GRAMD2B: variants seen among roughly 807,000 people sequenced by gnomAD.
The protein encoded by GRAMD2B is GRAM domain containing 2B.
In GRAMD2B, 41 loss-of-function variants were observed where a neutral mutation model predicts 59.2. That is an observed-to-expected ratio of 0.69 (90% CI 0.54 to 0.90). GRAMD2B has a LOEUF of 0.90. Among genes scored for constraint, GRAMD2B ranks in the 40% least tolerant of loss-of-function variants. The probability of loss-of-function intolerance (pLI) is 0.00; values close to 1 mark genes in which losing one functional copy is unlikely to be tolerated. For synonymous variants in GRAMD2B, 161 were observed against 182.7 expected (o/e 0.88, Z 0.96); for missense variants, 424 against 500.5 (o/e 0.85, Z 1.46).
chr5:126,443,683 A>G lies in GRAMD2B; in HGVS notation c.83+19994A>G, dbSNP rs535743197. ...TAAAACTGGCTTTCTCTCAGCTGTG[A>G]TGGAAAGACTCCATCAGTGACTTCA... On this transcript the variant is annotated intron_variant, in intron 1 of 13. Transcript: ENST00000285689. Among the ~76,000 whole-genome samples, 9 of 152,310 alleles carry G rather than the reference A, an allele frequency of 5.9e-5. No individual in the cohort carries two copies. The East Asian group carries it at 1.7e-3, about 29-fold the overall frequency.
chr5:126,413,730 G>T (rs1018474639), intron 1 of GRAMD2B, among the ~76,000 whole-genome samples: 48 of 152,174 alleles, frequency 3.2e-4, no homozygotes, highest in African/African-American at 1.1e-3. Flanking sequence ...GTGACTGTCT[G>T]TGTCTTTTTG....
At chr5:126,488,652 G>T in intron 12 of GRAMD2B, 147 bp from the exon 13 acceptor site, 2 of 535,516 alleles carry the variant, frequency 3.7e-6, no homozygotes, top group Non-Finnish European at 6.7e-6. Flanking sequence ...GCGGATTACT[G>T]CAGGGCTTTG....
At chr5:126,360,278 A>G in exon 1 of GRAMD2B, 1 of 1,545,826 alleles carries the variant, frequency 6.5e-7, no homozygotes, top group Non-Finnish European at 8.7e-7. Flanking sequence ...GTAAATACAA[A>G]GTTCCTTCCC....
Position 126,469,670 on chromosome 5 carries a change from T to C in GRAMD2B, c.204-7T>C. The C allele has an allele frequency of 6.3e-7, 1 of 1,596,792 alleles. No individual in the cohort carries two copies. The highest frequency in any genetic ancestry group is 8.6e-7 in the Non-Finnish European group (1 of 1,165,978). ...TCTTATAGACACCCTGGACTTTCTT[T>C]CTTTAGGTCAAAATCCAGTTTTGAT... On this transcript the variant is annotated splice_polypyrimidine_tract_variant and splice_region_variant and intron_variant, in intron 2 of 13. Transcript: ENST00000285689.
chr5:126,381,089 G>C (rs1291866267), intron 1 of GRAMD2B, among the ~76,000 whole-genome samples: 4 of 152,004 alleles, frequency 2.6e-5, no homozygotes, highest in African/African-American at 9.7e-5. Flanking sequence ...TGCTAATTTT[G>C]CTGAGGGTTT....
At chr5:126,400,854 TTTCTC>T (rs1187716787) in intron 1 of GRAMD2B, among the ~76,000 whole-genome samples, 1 of 152,114 alleles carries the variant, frequency 6.6e-6, no homozygotes, top group Non-Finnish European at 1.5e-5. Context: ...ACAGGTAACT[TTTCTC>T]TTGCTGTTTT....
intron 1 of GRAMD2B, among the ~76,000 whole-genome samples, chr5:126,436,783 G>T (rs1369663580): frequency 2.0e-5 from 3 of 152,190 alleles, no homozygotes; most frequent in Non-Finnish European, 4.4e-5. Context: ...AACTAGCCCA[G>T]CATGGGGATT....
At chr5:126,467,012 A>G (rs13156050) in intron 2 of GRAMD2B, among the ~76,000 whole-genome samples, 124,111 of 152,194 alleles carry the variant, frequency 0.82, 51,005 homozygotes, top group East Asian at 0.98. Flanking sequence ...TAAGGGGGCC[A>G]GGCACGGTGG....
intron 1 of GRAMD2B, among the ~76,000 whole-genome samples, chr5:126,461,769 C>T (rs1767414891): frequency 6.6e-6 from 1 of 152,150 alleles, no homozygotes; most frequent in Admixed American, 6.5e-5. Flanking sequence ...CATTGCACTC[C>T]AGCCTGGGTG....
upstream of GRAMD2B, chr5:126,423,239 T>C: frequency 9.2e-7 from 1 of 1,083,698 alleles, no homozygotes; most frequent in Non-Finnish European, 1.1e-6. Flanking sequence ...AGATTGTGCC[T>C]TCTTAGGCAA....
chr5:126,414,081 C>T (rs574597007), intron 1 of GRAMD2B, among the ~76,000 whole-genome samples: 37 of 152,198 alleles, frequency 2.4e-4, no homozygotes, highest in African/African-American at 7.7e-4. Flanking sequence ...AAAATACCAT[C>T]GACAATCCCT....
intron 1 of GRAMD2B, among the ~76,000 whole-genome samples, chr5:126,365,892 T>A (rs935883300): frequency 2.0e-5 from 3 of 152,300 alleles, no homozygotes; most frequent in South Asian, 2.1e-4. Flanking sequence ...TAAACTAGAA[T>A]AGGAACTTGG....
Position 126,475,350 on chromosome 5 carries a change from A to T in GRAMD2B, c.486+1982A>T, listed in dbSNP as rs191839975. 2.6e-5 allele frequency among the ~76,000 whole-genome samples: 4 copies of T among 152,330 alleles called. No homozygotes were observed. In the East Asian group the frequency reaches 7.7e-4, roughly 29 times the overall value. ...TTAAGGGTGTTCCATGCCTTAGATT[A>T]TGAAAAATCTAAATTTCTAGCCCTT... On this transcript the variant is annotated intron_variant, in intron 5 of 13. Transcript: ENST00000285689.
intron 1 of GRAMD2B, 34 bp downstream of exon 1, chr5:126,423,723 G>A (rs1181967433): frequency 1.3e-6 from 2 of 1,573,460 alleles, no homozygotes; most frequent in South Asian, 2.3e-5. Flanking sequence ...ATCCAAGGAG[G>A]TGGGAGGAGC....
intron 1 of GRAMD2B, among the ~76,000 whole-genome samples, chr5:126,424,068 T>C (rs538431902): frequency 4.7e-4 from 72 of 152,338 alleles, no homozygotes; most frequent in African/African-American, 1.7e-3. Flanking sequence ...ATCTACTTGT[T>C]CAATAACGAT....
chr5:126,362,432 CATT>C (rs1259538401), intron 1 of GRAMD2B, among the ~76,000 whole-genome samples: 1 of 152,128 alleles, frequency 6.6e-6, no homozygotes. Flanking sequence ...TGACAATCAT[CATT>C]ATTAGTGTTC....
Position 126,491,690 on chromosome 5 carries a change from G to C in GRAMD2B, c.1258-1225G>C, listed in dbSNP as rs1309949039. Among the ~76,000 whole-genome samples, 4 of 152,190 alleles carry C rather than the reference G, an allele frequency of 2.6e-5. No individual in the cohort carries two copies. The South Asian group carries it at 8.3e-4, about 32-fold the overall frequency. On this transcript the variant is annotated intron_variant, in intron 13 of 13. Coordinates refer to ENST00000285689, the MANE Select transcript of GRAMD2B (RefSeq NM_023927.4). ...GCAAGGTTTCTACTCCCATCACAGG[G>C]CTGGTTGTTGAGAATTCCTTGCTCT...
chr5:126,394,912 C>T (rs1438164633), intron 1 of GRAMD2B, among the ~76,000 whole-genome samples: 1 of 152,082 alleles, frequency 6.6e-6, no homozygotes, highest in Non-Finnish European at 1.5e-5. Flanking sequence ...AGCTAAGAAA[C>T]ATCCTAAGGC....
intron 1 of GRAMD2B, among the ~76,000 whole-genome samples, chr5:126,377,757 G>A (rs1350108139): frequency 6.6e-6 from 1 of 152,198 alleles, no homozygotes; most frequent in Non-Finnish European, 1.5e-5. Context: ...GGGGCATGGG[G>A]CAGAGTCAGA....
Sources: allele counts gnomAD v4.1 joint callset (sites outside exome capture counted in the v4.1 genomes callset), GRCh38; gene constraint gnomAD v4.1.1; transcripts MANE v1.5; gene names NCBI Gene and HGNC (gene_info 2026-07-23, HGNC 2026-07-21).